Variants in TBC1D23 observed in about 807,000 individuals in gnomAD.
TBC1D23 encodes the protein TBC1 domain family member 23, also known as HCV non-structural protein 4A-transactivated protein 1.
TBC1D23 carries 55 observed loss-of-function variants against 91.4 expected under a neutral mutation model. The ratio of observed to expected loss-of-function variants is 0.60; its 90% CI spans 0.48 to 0.75. The LOEUF is 0.75. Ranked by LOEUF, TBC1D23 falls within the 30% of genes least tolerant of loss-of-function variation. The pLI, the probability that TBC1D23 is intolerant of heterozygous loss-of-function variation, is 0.00. For missense variants in TBC1D23, 725 were observed against 836.1 expected, an observed-to-expected ratio of 0.87 and a Z score of 1.64; for synonymous variants, 289 against 281.0, an observed-to-expected ratio of 1.03 and a Z score of -0.28.
At chr3:100,321,330 C>T (rs1219418278) in intron 18 of TBC1D23, among the ~76,000 whole-genome samples, 1 of 152,178 alleles carries the variant, frequency 6.6e-6, no homozygotes, top group Non-Finnish European at 1.5e-5. Context: ...TTTTGACAAA[C>T]TGTCAGTGAA....
At chr3:100,273,499 C>A (rs4928121) in intron 1 of TBC1D23, among the ~76,000 whole-genome samples, 35,779 of 152,132 alleles carry the variant, frequency 0.24, 4,661 homozygotes, top group East Asian at 0.49. Context: ...TGACATTCTT[C>A]ACAAAACTAG....
chr3:100,291,796 CT>C (rs576623040), intron 5 of TBC1D23, among the ~76,000 whole-genome samples: 103 of 131,644 alleles, frequency 7.8e-4, no homozygotes, highest in Middle Eastern at 4.0e-3. Flanking sequence ...TTTTTTTTTT[CT>C]TTTTTTTTTT....
chr3:100,301,797 C>T (rs74791169), intron 10 of TBC1D23: 7,805 of 313,108 alleles, frequency 0.025, 140 homozygotes, highest in South Asian at 0.033. Flanking sequence ...TAAGAAAAAA[C>T]AAGAACAACA....
intron 14 of TBC1D23, among the ~76,000 whole-genome samples, chr3:100,311,005 C>T (rs750069807): frequency 9.2e-5 from 14 of 152,172 alleles, no homozygotes; most frequent in Non-Finnish European, 1.9e-4. Flanking sequence ...GTTTACAAAA[C>T]CCCATTTCCT....
At chr3:100,264,611 C>G (rs2148847598) in intron 1 of TBC1D23, among the ~76,000 whole-genome samples, 1 of 152,328 alleles carries the variant, frequency 6.6e-6, no homozygotes, top group African/African-American at 2.4e-5. Context: ...TTAAGTGACA[C>G]AGCTATCCCT....
rs201941803 is a variant in TBC1D23, at chr3:100,297,933, A to G, written c.887A>G (p.His296Arg). 1.2e-6 allele frequency: 2 copies of G among 1,609,050 alleles called. No homozygotes were observed. The highest frequency in any genetic ancestry group is 1.7e-6 in the Non-Finnish European group (2 of 1,176,820). ...TTTCCCTTCAAACAGGATAATCACC[A>G]TCTCTTTGGTAGTACTTTGTTGGGA... Reference protein sequence around the residue: ...TPASFRKDNHHLFGSTLLGIK... With the variant: ...TPASFRKDNHRLFGSTLLGIK... The change falls in exon 9 of 19, where the codon CAT (histidine) becomes CGT (arginine). Residue 296 changes from histidine (H) to arginine (R), a missense_variant. By Grantham distance (29) the His-to-Arg change is conservative. Coordinates refer to ENST00000394144, the MANE Select transcript of TBC1D23 (RefSeq NM_001199198.3).
rs138430374 is a variant in TBC1D23, at chr3:100,301,645, T to C, written c.1093-422T>C. Among the ~76,000 whole-genome samples, 714 of 152,340 alleles carry C rather than the reference T, an allele frequency of 4.7e-3. 2 individuals carry two copies. Among genetic ancestry groups the C allele is most frequent in the South Asian group, 6.4e-3 (31 of 4,826 alleles). ...ACCTGGAATAGTGCTGATAAACAAA[T>C]GCCTTCTGTTATTTCTGACAATCCT... On this transcript the variant is annotated intron_variant, in intron 10 of 18. Transcript: ENST00000394144.
chr3:100,286,837 GAC>G lies in TBC1D23; in HGVS notation c.476+3028_476+3029del, dbSNP rs1408786666. 3.3e-5 allele frequency among the ~76,000 whole-genome samples: 5 copies of G among 151,908 alleles called. No homozygotes were observed. In the East Asian group the frequency reaches 9.7e-4, roughly 29 times the overall value. ...TTTTAATTATTTATTTATTCATTTA[GAC>G]AGAGTCTCGCTCTGTTGCCAGGCTG... On this transcript the variant is annotated intron_variant, in intron 4 of 18. Coordinates refer to ENST00000394144, the MANE Select transcript of TBC1D23 (RefSeq NM_001199198.3).
At chr3:100,297,900 T>C in intron 8 of TBC1D23, 23 bp from the exon 9 acceptor site, 1 of 1,563,132 alleles carries the variant, frequency 6.4e-7, no homozygotes, top group Non-Finnish European at 8.7e-7. Flanking sequence ...TTTCATAATG[T>C]TTAAAAATTT....
At chr3:100,269,750 A>G (rs969591073) in intron 1 of TBC1D23, among the ~76,000 whole-genome samples, 1 of 152,220 alleles carries the variant, frequency 6.6e-6, no homozygotes, top group African/African-American at 2.4e-5. Context: ...CAATAGTAGC[A>G]AAATAAGTTC....
At chr3:100,292,195 C>T (rs1160308792) in intron 5 of TBC1D23, among the ~76,000 whole-genome samples, 1 of 152,236 alleles carries the variant, frequency 6.6e-6, no homozygotes, top group Non-Finnish European at 1.5e-5. Flanking sequence ...TTTGACCTTA[C>T]AGATCCTTTG....
At chr3:100,264,346 G>A (rs914722055) in intron 1 of TBC1D23, among the ~76,000 whole-genome samples, 2 of 141,158 alleles carry the variant, frequency 1.4e-5, no homozygotes, top group Admixed American at 7.4e-5. Flanking sequence ...TGGAGTAAAT[G>A]TTTTTATTTT....
At chr3:100,271,787 C>T (rs1429206312) in intron 1 of TBC1D23, among the ~76,000 whole-genome samples, 1 of 152,082 alleles carries the variant, frequency 6.6e-6, no homozygotes, top group African/African-American at 2.4e-5. Flanking sequence ...GTCTTATTTT[C>T]CCAAGAAGCC....
rs771491736 is a variant in TBC1D23 at position 100,320,756 on chromosome 3, T to G, written c.1824-21T>G. Reference sequence around the variant, plus strand: ...ATTTACTTAAAAATTCTTTTTCTTTTAATGCTTTTTTTGTCTCAAGTCATC... The same window carrying G: ...ATTTACTTAAAAATTCTTTTTCTTTGAATGCTTTTTTTGTCTCAAGTCATC... On this transcript the variant is annotated intron_variant, in intron 17 of 18. Coordinates refer to ENST00000394144, the MANE Select transcript of TBC1D23 (RefSeq NM_001199198.3). The G allele has an allele frequency of 4.9e-6, 7 of 1,415,432 alleles. No homozygotes were observed. The South Asian group carries it at 8.6e-5, about 17-fold the overall frequency. 87.7% of individuals were successfully genotyped at this position (1,415,432 alleles called of 1,614,324 possible).
intron 15 of TBC1D23, among the ~76,000 whole-genome samples, chr3:100,313,396 C>G (rs1359069947): frequency 1.3e-5 from 2 of 152,024 alleles, no homozygotes; most frequent in African/African-American, 4.8e-5. Flanking sequence ...CTACTCAAAC[C>G]ATACTATAGA....
chr3:100,270,750 C>G (rs1341196924), intron 1 of TBC1D23, among the ~76,000 whole-genome samples: 1 of 152,044 alleles, frequency 6.6e-6, no homozygotes, highest in East Asian at 1.9e-4. Flanking sequence ...TTTTTAACAT[C>G]ATGTCAGGCT....
In TBC1D23 at chr3:100,281,867, T is replaced by C. The variant is rs375138000; in HGVS notation, c.271+20T>C. The C allele has an allele frequency of 8.1e-5, 120 of 1,476,058 alleles. 1 individual carries two copies. The highest frequency in any genetic ancestry group is 1.1e-4 in the Non-Finnish European group (117 of 1,068,844). The allele number at this position is 1,476,058 out of a possible 1,614,324, so 91.4% of individuals were successfully genotyped here. ...TTATTGGTAAGCTGAATAATCACTTTCAAGCAGAGTTAAATTTTGGAAATA... is the reference window on the plus strand; with the variant it reads ...TTATTGGTAAGCTGAATAATCACTTCCAAGCAGAGTTAAATTTTGGAAATA... On this transcript the variant is annotated intron_variant, in intron 3 of 18. Coordinates refer to ENST00000394144, the MANE Select transcript of TBC1D23 (RefSeq NM_001199198.3).
At chr3:100,275,671 A>G (rs911251235) in intron 1 of TBC1D23, among the ~76,000 whole-genome samples, 3 of 152,224 alleles carry the variant, frequency 2.0e-5, no homozygotes, top group African/African-American at 4.8e-5. Flanking sequence ...AACAAATAAT[A>G]TATATGTATC....
Position 100,311,842 on chromosome 3 carries a change from C to T in TBC1D23, c.1563C>T (p.Phe521=), listed in dbSNP as rs1404255629. The T allele has an allele frequency of 6.5e-7, 1 of 1,534,830 alleles. No homozygotes were observed. Among genetic ancestry groups the T allele is most frequent in the South Asian group, 1.2e-5 (1 of 84,008 alleles). ...NTSTPVDRMS[F]NLPWPDRSCT... ...CCTTGATTTGCTATAGAATGTCTTTCAATCTTCCTTGGCCAGACAGATCAT... is the reference window on the plus strand; with the variant it reads ...CCTTGATTTGCTATAGAATGTCTTTTAATCTTCCTTGGCCAGACAGATCAT... Residue 521 remains phenylalanine, a synonymous_variant, in exon 15 of 19, where the codon TTC becomes TTT. Transcript: ENST00000394144.
Sources: allele counts gnomAD v4.1 joint callset (sites outside exome capture counted in the v4.1 genomes callset), GRCh38; gene constraint gnomAD v4.1.1; transcripts MANE v1.5; gene names NCBI Gene and HGNC (gene_info 2026-07-23, HGNC 2026-07-21).